Variants in LARGE1 observed in about 807,000 individuals in gnomAD.
LARGE1 encodes the protein LARGE xylosyl- and glucuronyltransferase 1, also known as xylosyl- and glucuronyltransferase LARGE1.
Under a neutral mutation model 87.6 loss-of-function variants are expected in LARGE1, and 43 were observed. That is an observed-to-expected ratio of 0.49 (90% CI 0.38 to 0.63). The LOEUF (loss-of-function observed/expected upper bound fraction) is 0.63. Ranked by LOEUF, LARGE1 falls within the 30% of genes least tolerant of loss-of-function variation. The probability of loss-of-function intolerance (pLI) is 0.00; values close to 1 mark genes in which losing one functional copy is unlikely to be tolerated. For synonymous variants in LARGE1, 434 were observed against 394.6 expected, an observed-to-expected ratio of 1.10 and a Z score of -1.18; for missense variants, 802 against 1,000.2, an observed-to-expected ratio of 0.80 and a Z score of 2.67.
downstream of LARGE1, among the ~76,000 whole-genome samples, chr22:33,159,320 G>A (rs1190834301): frequency 1.3e-5 from 2 of 152,086 alleles, no homozygotes; most frequent in Non-Finnish European, 2.9e-5. Context: ...GAAGTTCTCA[G>A]TCTTTGACAA....
chr22:33,332,271 C>A (rs1937819864), intron 10 of LARGE1, among the ~76,000 whole-genome samples: 1 of 152,138 alleles, frequency 6.6e-6, no homozygotes. Context: ...GTGAATAAGT[C>A]TCATGAGATC....
At chr22:33,175,232 G>T (rs1219157095) in intron 11 of LARGE1, among the ~76,000 whole-genome samples, 1 of 152,050 alleles carries the variant, frequency 6.6e-6, no homozygotes, top group Non-Finnish European at 1.5e-5. Context: ...ACTGGCACAA[G>T]ACAAGGATGC....
At chr22:33,805,761 GAATA>G (rs71987559) in intron 1 of LARGE1, among the ~76,000 whole-genome samples, 40,656 of 125,590 alleles carry the variant, frequency 0.32, 5,656 homozygotes, top group East Asian at 0.44. Context: ...GTAAATAAAT[GAATA>G]AATAAATAAA....
intron 6 of LARGE1, among the ~76,000 whole-genome samples, chr22:33,517,352 G>C (rs1317135263): frequency 1.3e-5 from 2 of 152,120 alleles, no homozygotes; most frequent in African/African-American, 2.4e-5. Flanking sequence ...CCAATAAAAA[G>C]GGCTGAACTC....
intron 2 of LARGE1, among the ~76,000 whole-genome samples, chr22:33,725,277 G>T (rs1243174945): frequency 1.3e-5 from 2 of 152,218 alleles, no homozygotes; most frequent in African/African-American, 4.8e-5. Context: ...ATCCCAGGAT[G>T]TGGTCTGGGA....
chr22:33,354,720 A>G (rs749283013), intron 9 of LARGE1, among the ~76,000 whole-genome samples: 5 of 152,238 alleles, frequency 3.3e-5, no homozygotes. Context: ...TATAAAATGT[A>G]TTCAGCCAGC....
chr22:33,255,779 C>T (rs531881239), intron 11 of LARGE1, among the ~76,000 whole-genome samples: 44 of 152,324 alleles, frequency 2.9e-4, no homozygotes, highest in African/African-American at 9.1e-4. Flanking sequence ...ATTTCTGAAA[C>T]TATCTTCTTT....
In LARGE1 at chr22:33,625,467, G is replaced by C. The variant is rs183198478; in HGVS notation, c.491+777C>G. 7.0e-4 allele frequency among the ~76,000 whole-genome samples: 107 copies of C among 152,318 alleles called. 1 individual carries two copies. Among genetic ancestry groups the C allele is most frequent in the East Asian group, 2.5e-3 (13 of 5,178 alleles). On this transcript the variant is annotated intron_variant, in intron 4 of 14. Transcript: ENST00000397394. ...CCATGGGGGTCCACGAGAGTCAATG[G>C]AGATCATCCGCAGGTTGGGAAACAG... is the stretch of plus-strand genomic sequence containing the variant.
chr22:33,367,073 TTAACAAAAATTC>T (rs2064622726), intron 9 of LARGE1, among the ~76,000 whole-genome samples: 1 of 152,358 alleles, frequency 6.6e-6, no homozygotes, highest in South Asian at 2.1e-4. Flanking sequence ...ATTTGTCCAT[TTAACAAAAATTC>T]TCAAATTTGT....
Position 33,166,553 on chromosome 22 carries a change from C to T in LARGE1, c.*210G>A, listed in dbSNP as rs1181116546. 9 of 348,254 alleles carry T rather than the reference C, an allele frequency of 2.6e-5. No homozygotes were observed. The East Asian group carries it at 6.8e-4, about 26-fold the overall frequency. 21.6% of individuals were successfully genotyped at this position (348,254 alleles called of 1,614,324 possible). On this transcript the variant is annotated 3_prime_UTR_variant, in exon 12 of 12. Transcript: ENST00000608642. The stretch of plus-strand genomic sequence containing the variant: ...CTGGCATGTACCACTTCAATCTTTC[C>T]ACAGGGATGTTCACCTGCCATGTAC...
chr22:33,079,259 A>C, the LARGE1 span, among the ~76,000 whole-genome samples: 1 of 117,504 alleles, frequency 8.5e-6, no homozygotes. Flanking sequence ...ACAGAGTCTC[A>C]CTCTGTCACC....
intron 6 of LARGE1, among the ~76,000 whole-genome samples, chr22:33,505,297 C>T (rs1295153785): frequency 2.0e-5 from 3 of 152,220 alleles, no homozygotes; most frequent in Admixed American, 2.0e-4. Flanking sequence ...CTGGGTGAAG[C>T]TGAGGCTTTG....
At chr22:33,319,397 T>C (rs1936495971) in intron 10 of LARGE1, among the ~76,000 whole-genome samples, 1 of 151,994 alleles carries the variant, frequency 6.6e-6, no homozygotes, top group South Asian at 2.1e-4. Flanking sequence ...CCTCAATAAA[T>C]ACTACTTATT....
chr22:33,568,559 G>A (rs906293013), intron 5 of LARGE1, among the ~76,000 whole-genome samples: 2 of 152,116 alleles, frequency 1.3e-5, no homozygotes. Flanking sequence ...CTGAGGTTGG[G>A]AGTTCGAGAC....
At chr22:33,275,450 A>G (rs940723705) in intron 14 of LARGE1, among the ~76,000 whole-genome samples, 2 of 152,220 alleles carry the variant, frequency 1.3e-5, no homozygotes, top group Non-Finnish European at 2.9e-5. Flanking sequence ...GGGATGGGGA[A>G]AGGCGGCTGT....
the LARGE1 span, among the ~76,000 whole-genome samples, chr22:33,154,191 CCT>C: frequency 8.6e-5 from 13 of 151,192 alleles, no homozygotes; most frequent in African/African-American, 3.2e-4. Context: ...AAAGTAAACT[CCT>C]CTTTTATTAA....
rs1931254955 is a variant in LARGE1 at position 33,285,042 on chromosome 22, T to C, written c.1731-1694A>G. The stretch of plus-strand genomic sequence containing the variant: ...CTGTGGACCGAACAAGGTCGTCATA[T>C]ACTGCCACTTGGCACACCTGGCCGG... On this transcript the variant is annotated intron_variant, in intron 12 of 14. Coordinates refer to ENST00000397394, the MANE Select transcript of LARGE1 (RefSeq NM_133642.5). 1.3e-5 allele frequency among the ~76,000 whole-genome samples: 2 copies of C among 152,226 alleles called. 1 individual carries two copies. Among genetic ancestry groups the C allele is most frequent in the South Asian group, 4.1e-4 (2 of 4,832 alleles).
In LARGE1 at chr22:33,650,595, C is replaced by T. The variant is rs776116846; in HGVS notation, c.180G>A (p.Arg60=). 6.2e-7 allele frequency: 1 copy of T among 1,605,512 alleles called. No individual in the cohort carries two copies. Among genetic ancestry groups the T allele is most frequent in the Non-Finnish European group, 8.5e-7 (1 of 1,179,926 alleles). ...TGCGCACCTCCAGGCTCTCGCGCTC[C>T]CGCTGGCTGGAGGCCGTGTACCTGG... is the stretch of plus-strand genomic sequence containing the variant. ...HSPRYTASSQ[R]ERESLEVRMR... Residue 60 remains arginine, a synonymous_variant, in exon 3 of 15, where the codon CGG becomes CGA. Transcript: ENST00000397394.
intron 1 of LARGE1, among the ~76,000 whole-genome samples, chr22:33,840,913 G>T (rs2063263481): frequency 6.6e-6 from 1 of 152,194 alleles, no homozygotes; most frequent in African/African-American, 2.4e-5. Context: ...GTGAGCCACT[G>T]CACCTGGATG....
Sources: gnomAD v4.1 joint callset for allele counts (sites outside exome capture counted in the v4.1 genomes callset) on GRCh38, gnomAD v4.1.1 for gene constraint, MANE v1.5 for transcripts, NCBI Gene and HGNC (gene_info 2026-07-23, HGNC 2026-07-21) for gene names.